GADL1: variants seen among roughly 807,000 people sequenced by gnomAD.
GADL1 encodes the protein GAD like acidic amino acid decarboxylase 1.
GADL1 carries 71 observed loss-of-function variants against 69.5 expected under a neutral mutation model. The observed-to-expected ratio is 1.02, with a 90% CI of 0.84 to 1.25. The LOEUF (loss-of-function observed/expected upper bound fraction) is 1.25. Ranked by LOEUF, GADL1 falls within the 50% of genes most tolerant of loss-of-function variation. GADL1 has a pLI of 0.00. For synonymous variants in GADL1, 254 were observed against 214.4 expected (o/e 1.18, Z -1.62); for missense variants, 737 against 631.8 (o/e 1.17, Z -1.79).
chr3:30,841,513 C>T (rs922112332), intron 8 of GADL1, among the ~76,000 whole-genome samples: 1 of 151,968 alleles, frequency 6.6e-6, no homozygotes, highest in African/African-American at 2.4e-5. Flanking sequence ...GGATGCTAGG[C>T]AACAAACTCA....
At chr3:30,794,220 A>C (rs1042002511) in intron 12 of GADL1, among the ~76,000 whole-genome samples, 1 of 152,154 alleles carries the variant, frequency 6.6e-6, no homozygotes, top group Non-Finnish European at 1.5e-5. Context: ...GATTGCAGAG[A>C]TTGTGTGTCA....
intron 13 of GADL1, among the ~76,000 whole-genome samples, chr3:30,784,614 G>A (rs1696748988): frequency 6.6e-6 from 1 of 152,162 alleles, no homozygotes. Context: ...AAACTTCCCT[G>A]AGGACTATTG....
intron 14 of GADL1, among the ~76,000 whole-genome samples, chr3:30,745,945 C>G (rs557407996): frequency 1.3e-5 from 2 of 151,086 alleles, no homozygotes; most frequent in East Asian, 2.0e-4. Flanking sequence ...CCCCTTCCCC[C>G]TCCCCTTTCC....
intron 6 of GADL1, 106 bp from the exon 7 acceptor site, chr3:30,844,572 T>C: frequency 1.3e-6 from 1 of 774,112 alleles, no homozygotes; most frequent in Non-Finnish European, 2.3e-6. Context: ...GCACAATCTT[T>C]GGGACATTAT....
At chr3:30,737,430 T>A (rs574339446) in intron 14 of GADL1, among the ~76,000 whole-genome samples, 4 of 152,300 alleles carry the variant, frequency 2.6e-5, no homozygotes, top group African/African-American at 7.2e-5. Flanking sequence ...ATAAAGTGTT[T>A]AAAACACTTA....
intron 14 of GADL1, among the ~76,000 whole-genome samples, chr3:30,756,936 CAG>C (rs1463529841): frequency 1.3e-5 from 2 of 152,066 alleles, no homozygotes; most frequent in Non-Finnish European, 2.9e-5. Context: ...AGCCTCCAAC[CAG>C]AGTCCATGGG....
chr3:30,791,620 ACT>A (rs904704150), intron 12 of GADL1, among the ~76,000 whole-genome samples: 9 of 151,772 alleles, frequency 5.9e-5, no homozygotes, highest in African/African-American at 1.5e-4. Flanking sequence ...TTCTGTTAAA[ACT>A]CTTTTTGCTA....
At chr3:30,859,050 G>GAGGT (rs1489300231) in intron 2 of GADL1, among the ~76,000 whole-genome samples, 1 of 152,046 alleles carries the variant, frequency 6.6e-6, no homozygotes, top group Non-Finnish European at 1.5e-5. Flanking sequence ...TATCAACAAG[G>GAGGT]AGGTGTTCTT....
intron 14 of GADL1, among the ~76,000 whole-genome samples, chr3:30,761,826 C>A (rs181590681): frequency 6.6e-6 from 1 of 152,150 alleles, no homozygotes; most frequent in Non-Finnish European, 1.5e-5. Context: ...AGATTCAAAC[C>A]TATGGTCAAT....
intron 12 of GADL1, chr3:30,798,848 CA>C (rs1697103174): frequency 6.6e-6 from 1 of 152,128 alleles, no homozygotes; most frequent in Admixed American, 6.5e-5. Context: ...AGAAATTGGT[CA>C]AAACAAAGGG....
intron 1 of GADL1, among the ~76,000 whole-genome samples, chr3:30,873,054 G>T (rs1468624115): frequency 1.3e-5 from 2 of 151,814 alleles, no homozygotes; most frequent in Non-Finnish European, 2.9e-5. Flanking sequence ...TGTGTATAGT[G>T]CAGTCATAGC....
chr3:30,869,011 C>T (rs1286301685), intron 1 of GADL1, among the ~76,000 whole-genome samples: 1 of 151,636 alleles, frequency 6.6e-6, no homozygotes, highest in African/African-American at 2.4e-5. Context: ...AGTTTAAGAG[C>T]TGGGGTAGTA....
At chr3:30,783,769 A>T (rs948490337) in intron 13 of GADL1, among the ~76,000 whole-genome samples, 1 of 152,026 alleles carries the variant, frequency 6.6e-6, no homozygotes, top group Non-Finnish European at 1.5e-5. Context: ...GAAAAAATCC[A>T]GGGGCAGAAG....
At chr3:30,755,824 C>CTT (rs3042992) in intron 14 of GADL1, among the ~76,000 whole-genome samples, 4,750 of 151,684 alleles carry the variant, frequency 0.031, 270 homozygotes, top group African/African-American at 0.11. Flanking sequence ...GCCAAAGGTA[C>CTT]TTTTTTTCCT....
At chr3:30,859,593 G>A (rs1372182932) in intron 2 of GADL1, among the ~76,000 whole-genome samples, 1 of 151,924 alleles carries the variant, frequency 6.6e-6, no homozygotes, top group Non-Finnish European at 1.5e-5. Context: ...TCATATCGTA[G>A]TAATAGTTAT....
At chr3:30,734,002 T>G (rs371810421) in intron 14 of GADL1, among the ~76,000 whole-genome samples, 4 of 152,298 alleles carry the variant, frequency 2.6e-5, no homozygotes, top group East Asian at 1.9e-4. Context: ...AGCTGAAGGC[T>G]GATTAACCAT....
intron 11 of GADL1, among the ~76,000 whole-genome samples, chr3:30,805,084 A>C (rs1015111862): frequency 1.3e-5 from 2 of 152,230 alleles, no homozygotes; most frequent in African/African-American, 4.8e-5. Context: ...TAGCGCACAT[A>C]ATAATGACCA....
At chr3:30,829,276 G>C (rs1175379580) in intron 11 of GADL1, among the ~76,000 whole-genome samples, 1 of 151,670 alleles carries the variant, frequency 6.6e-6, no homozygotes, top group Non-Finnish European at 1.5e-5. Context: ...ACAACTTTGA[G>C]AGCATCAGCT....
intron 14 of GADL1, among the ~76,000 whole-genome samples, chr3:30,740,974 T>TTAATATATATTATATATAATATA (rs1249290969): frequency 1.0e-4 from 13 of 128,882 alleles, no homozygotes; most frequent in African/African-American, 4.4e-4. Context: ...ATATTATATA[T>TTAATATATATTATATATAATATA]TAATATATAT....
Sources: allele counts gnomAD v4.1 joint callset (sites outside exome capture counted in the v4.1 genomes callset), GRCh38; gene constraint gnomAD v4.1.1; transcripts MANE v1.5; gene names NCBI Gene and HGNC (gene_info 2026-07-23, HGNC 2026-07-21).